Variants in AMPH observed in about 807,000 individuals in gnomAD.
AMPH encodes amphiphysin.
A neutral mutation model predicts 99.1 loss-of-function variants in AMPH; 49 were observed. The ratio of observed to expected loss-of-function variants is 0.49; its 90% CI spans 0.39 to 0.63. AMPH has a LOEUF of 0.63. Among genes scored for constraint, AMPH ranks in the 20% least tolerant of loss-of-function variants. The pLI is 0.00. For missense variants in AMPH, 759 were observed against 863.4 expected (o/e 0.88, Z 1.52); for synonymous variants, 314 against 317.3 (o/e 0.99, Z 0.11).
chr7:38,607,112 C>T (rs1021145600), intron 1 of AMPH, among the ~76,000 whole-genome samples: 1 of 152,126 alleles, frequency 6.6e-6, no homozygotes, highest in Non-Finnish European at 1.5e-5. Context: ...GACTAATTCC[C>T]ATGACAACCA....
At chr7:38,483,561 G>A (rs1788375205) in intron 5 of AMPH, among the ~76,000 whole-genome samples, 1 of 152,104 alleles carries the variant, frequency 6.6e-6, no homozygotes, top group Non-Finnish European at 1.5e-5. Flanking sequence ...AAATGACCCA[G>A]CATTCTCTAG....
intron 1 of AMPH, among the ~76,000 whole-genome samples, chr7:38,578,828 T>A (rs1054681134): frequency 7.9e-5 from 12 of 152,054 alleles, no homozygotes; most frequent in Admixed American, 7.9e-4. Flanking sequence ...GTCAATATAA[T>A]AACATCTTAT....
intron 18 of AMPH, among the ~76,000 whole-genome samples, chr7:38,393,051 T>G (rs1413633646): frequency 1.3e-5 from 2 of 152,218 alleles, no homozygotes; most frequent in Non-Finnish European, 2.9e-5. Context: ...ATCAGCAGAC[T>G]AGAGCACTAA....
At chr7:38,386,212 A>C (rs1784344291) in intron 20 of AMPH, among the ~76,000 whole-genome samples, 1 of 152,246 alleles carries the variant, frequency 6.6e-6, no homozygotes. Flanking sequence ...CTTTAAAATT[A>C]TGATGTCATA....
chr7:38,546,067 C>T (rs968106121), intron 1 of AMPH, among the ~76,000 whole-genome samples: 10 of 152,156 alleles, frequency 6.6e-5, no homozygotes, highest in African/African-American at 2.2e-4. Context: ...AGTTTGTCCA[C>T]GTGGTCGTTT....
At chr7:38,607,797 G>A (rs1314749239) in intron 1 of AMPH, among the ~76,000 whole-genome samples, 1 of 152,156 alleles carries the variant, frequency 6.6e-6, no homozygotes, top group South Asian at 2.1e-4. Flanking sequence ...ACTGAAAATA[G>A]GACCTGAGAC....
At chr7:38,514,887 A>T (rs1789679296) in intron 2 of AMPH, among the ~76,000 whole-genome samples, 1 of 152,212 alleles carries the variant, frequency 6.6e-6, no homozygotes, top group Admixed American at 6.5e-5. Flanking sequence ...CTGAAAATGC[A>T]GAAGAAGCTT....
chr7:38,391,082 A>G (rs927368217), intron 19 of AMPH, among the ~76,000 whole-genome samples: 1 of 151,886 alleles, frequency 6.6e-6, no homozygotes. Context: ...CAAATTTAAA[A>G]ACTTAAAATT....
intron 1 of AMPH, among the ~76,000 whole-genome samples, chr7:38,621,530 A>T (rs1249431796): frequency 1.3e-5 from 2 of 152,338 alleles, no homozygotes; most frequent in Non-Finnish European, 2.9e-5. Context: ...AACAACTTTT[A>T]GGTGCCTTGA....
intron 1 of AMPH, among the ~76,000 whole-genome samples, chr7:38,561,967 G>GT (rs546827916): frequency 0.031 from 4,495 of 143,644 alleles, 184 homozygotes; most frequent in African/African-American, 0.094. Context: ...CAGTCTATAT[G>GT]TTTTTTTTTT....
chr7:38,389,445 T>C (rs1367327915), intron 20 of AMPH, among the ~76,000 whole-genome samples: 5 of 152,206 alleles, frequency 3.3e-5, no homozygotes, highest in African/African-American at 4.8e-5. Context: ...CCCCAGGTTC[T>C]TTCCTCATCA....
At chr7:38,488,324 C>A (rs1168371410) in intron 5 of AMPH, among the ~76,000 whole-genome samples, 1 of 152,108 alleles carries the variant, frequency 6.6e-6, no homozygotes, top group Non-Finnish European at 1.5e-5. Flanking sequence ...CACATATACA[C>A]CATGGAATAC....
intron 5 of AMPH, among the ~76,000 whole-genome samples, chr7:38,484,266 C>G (rs1173989106): frequency 5.3e-5 from 8 of 151,948 alleles, no homozygotes; most frequent in Admixed American, 2.6e-4. Flanking sequence ...TCAGGAAGCC[C>G]AAAAACTCCA....
At chr7:38,463,135 G>C (rs754220308) in intron 9 of AMPH, 22 bp from the exon 10 acceptor site, 10 of 1,613,892 alleles carry the variant, frequency 6.2e-6, no homozygotes, top group Non-Finnish European at 8.5e-6. Context: ...CAGGGGATTG[G>C]GCAAGGGGCC....
At chr7:38,473,061 C>T (rs1001499236) in intron 7 of AMPH, among the ~76,000 whole-genome samples, 1 of 152,182 alleles carries the variant, frequency 6.6e-6, no homozygotes, top group Non-Finnish European at 1.5e-5. Context: ...AAATATCTGT[C>T]TCTTGGCAAT....
chr7:38,602,779 C>G (rs979017590), intron 1 of AMPH, among the ~76,000 whole-genome samples: 2 of 152,116 alleles, frequency 1.3e-5, no homozygotes, highest in African/African-American at 4.8e-5. Context: ...TGACGTGACA[C>G]CCTGAAATGA....
intron 10 of AMPH, among the ~76,000 whole-genome samples, 177 bp from the exon 11 acceptor site, chr7:38,461,588 T>G (rs1164999331): frequency 2.0e-5 from 3 of 152,210 alleles, no homozygotes; most frequent in African/African-American, 7.2e-5. Flanking sequence ...TGAGGCTCTC[T>G]GAGCCCTGAT....
At chr7:38,605,962 A>C (rs1399753732) in intron 1 of AMPH, among the ~76,000 whole-genome samples, 2 of 152,190 alleles carry the variant, frequency 1.3e-5, no homozygotes, top group African/African-American at 4.8e-5. Context: ...CCTCATATGC[A>C]TGACCTCACT....
intron 11 of AMPH, among the ~76,000 whole-genome samples, chr7:38,438,404 C>G (rs1786373277): frequency 6.6e-6 from 1 of 152,138 alleles, no homozygotes; most frequent in East Asian, 1.9e-4. Flanking sequence ...TGCCATGTAG[C>G]AGAGGTAAGA....
Sources: allele counts gnomAD v4.1 joint callset (sites outside exome capture counted in the v4.1 genomes callset), GRCh38; gene constraint gnomAD v4.1.1; transcripts MANE v1.5; gene names NCBI Gene and HGNC (gene_info 2026-07-23, HGNC 2026-07-21).